Variants in RABGAP1L observed in about 807,000 individuals in gnomAD.
RABGAP1L encodes rab GTPase-activating protein 1-like.
RABGAP1L carries 63 observed loss-of-function variants against 137.7 expected under a neutral mutation model. That is an observed-to-expected ratio of 0.46 (90% CI 0.37 to 0.56). RABGAP1L has a LOEUF of 0.56. Ranked by LOEUF, RABGAP1L falls within the 20% of genes least tolerant of loss-of-function variation. RABGAP1L has a pLI of 0.00. For synonymous variants in RABGAP1L, 431 were observed against 433.7 expected (o/e 0.99, Z 0.08); for missense variants, 1,095 against 1,244.0 (o/e 0.88, Z 1.80).
intron 19 of RABGAP1L, among the ~76,000 whole-genome samples, chr1:174,911,194 A>G (rs1405244194): frequency 6.6e-6 from 1 of 152,118 alleles, no homozygotes; most frequent in Non-Finnish European, 1.5e-5. Context: ...GCAAATCCTT[A>G]TCAGCTATAT....
At position 174,195,667 on chromosome 1, in the gene RABGAP1L, CCTTTCCTTCTTTCCTT is replaced by C. The variant is rs1330311008; in HGVS notation, c.-33-23428_-33-23413del. Among the ~76,000 whole-genome samples the C allele has an allele frequency of 1.2e-3, 110 of 94,176 alleles. No individual in the cohort carries two copies. In the South Asian group the frequency reaches 0.013, roughly 11 times the overall value. 61.8% of individuals were successfully genotyped at this position (94,176 alleles called of 152,430 possible). ...TTCCTTCCTTCCTTTCCTTTCCTTT[CCTTTCCTTCTTTCCTT>C]CTTTCCTTCTTTCCTTCTTTCCTTC... On this transcript the variant is annotated intron_variant, in intron 1 of 25. Coordinates refer to ENST00000681986, the MANE Select transcript of RABGAP1L (RefSeq NM_001366446.1).
At chr1:174,209,749 C>G (rs1212540732) in intron 1 of RABGAP1L, among the ~76,000 whole-genome samples, 1 of 152,168 alleles carries the variant, frequency 6.6e-6, no homozygotes, top group Non-Finnish European at 1.5e-5. Context: ...CCTTGAGCTG[C>G]CATAGGCGGT....
intron 1 of RABGAP1L, among the ~76,000 whole-genome samples, chr1:174,162,448 A>G (rs1357845260): frequency 1.3e-5 from 2 of 152,186 alleles, no homozygotes; most frequent in Non-Finnish European, 2.9e-5. Flanking sequence ...CTAGGCTTCA[A>G]GAGATTGACT....
At position 174,767,879 on chromosome 1, in the gene RABGAP1L, C is replaced by T. The variant is rs770403205; in HGVS notation, c.2211+15525C>T. 2.8e-4 allele frequency among the ~76,000 whole-genome samples: 42 copies of T among 152,134 alleles called. 1 individual carries two copies. Among genetic ancestry groups the T allele is most frequent in the Non-Finnish European group, 5.9e-5 (4 of 68,032 alleles). ...CAATCATGCCTGAAGGTGAAAGGCACATCTCACGCGGCTGTGGCAAGAGAG... is the reference window on the plus strand; with the variant it reads ...CAATCATGCCTGAAGGTGAAAGGCATATCTCACGCGGCTGTGGCAAGAGAG... On this transcript the variant is annotated intron_variant, in intron 18 of 25. Transcript: ENST00000681986.
intron 12 of RABGAP1L, among the ~76,000 whole-genome samples, chr1:174,377,035 T>A (rs1360844709): frequency 6.6e-6 from 1 of 152,168 alleles, no homozygotes; most frequent in Non-Finnish European, 1.5e-5. Flanking sequence ...GATCAATATG[T>A]GCACATCAGT....
chr1:174,687,937 G>A (rs940843120), intron 15 of RABGAP1L, among the ~76,000 whole-genome samples: 6 of 152,068 alleles, frequency 3.9e-5, no homozygotes, highest in African/African-American at 1.4e-4. Flanking sequence ...GCCTCTCCTT[G>A]TACTTGGAAA....
intron 12 of RABGAP1L, among the ~76,000 whole-genome samples, chr1:174,391,895 T>G (rs1687233545): frequency 6.6e-6 from 1 of 152,222 alleles, no homozygotes; most frequent in Non-Finnish European, 1.5e-5. Context: ...TTTTCTATAC[T>G]AATACCCTTA....
intron 19 of RABGAP1L, among the ~76,000 whole-genome samples, chr1:174,816,147 C>CTTTTTTTTTTT (rs67065448): frequency 8.1e-5 from 7 of 86,188 alleles, no homozygotes; most frequent in East Asian, 4.6e-4. Flanking sequence ...TAATACATAG[C>CTTTTTTTTTTT]TTTTTTTTTT....
At chr1:174,567,105 T>C (rs919188155) in intron 13 of RABGAP1L, among the ~76,000 whole-genome samples, 1 of 152,090 alleles carries the variant, frequency 6.6e-6, no homozygotes, top group Non-Finnish European at 1.5e-5. Flanking sequence ...GTATAACCAT[T>C]ACCACTATCT....
intron 19 of RABGAP1L, among the ~76,000 whole-genome samples, chr1:174,849,335 T>G (rs1647796508): frequency 6.6e-6 from 1 of 152,076 alleles, no homozygotes; most frequent in African/African-American, 2.4e-5. Flanking sequence ...CAGTAAAACT[T>G]AAATGAGGGA....
intron 19 of RABGAP1L, among the ~76,000 whole-genome samples, chr1:174,819,320 G>A (rs1690777165): frequency 6.6e-6 from 1 of 151,784 alleles, no homozygotes; most frequent in Non-Finnish European, 1.5e-5. Flanking sequence ...TTGGAGGATG[G>A]GAAAGATGAG....
chr1:174,589,177 T>C (rs559031323), intron 13 of RABGAP1L, among the ~76,000 whole-genome samples: 1 of 152,352 alleles, frequency 6.6e-6, no homozygotes, highest in African/African-American at 2.4e-5. Flanking sequence ...ATTGTAGTTT[T>C]AATTTCCATT....
intron 11 of RABGAP1L, among the ~76,000 whole-genome samples, chr1:174,348,390 C>T (rs1289111149): frequency 6.6e-6 from 1 of 150,830 alleles, no homozygotes; most frequent in Non-Finnish European, 1.5e-5. Flanking sequence ...AAAATCCACA[C>T]TTTACCTTCA....
chr1:174,209,781 G>T (rs1331563101), intron 1 of RABGAP1L, among the ~76,000 whole-genome samples: 1 of 152,164 alleles, frequency 6.6e-6, no homozygotes, highest in East Asian at 1.9e-4. Flanking sequence ...GCTTACAGCA[G>T]GCCTTTGGTG....
intron 1 of RABGAP1L, among the ~76,000 whole-genome samples, chr1:174,216,996 G>A (rs117812562): frequency 2.0e-5 from 3 of 152,122 alleles, no homozygotes; most frequent in Non-Finnish European, 4.4e-5. Flanking sequence ...GGGTTAGGAG[G>A]CTTTTACAGT....
intron 18 of RABGAP1L, among the ~76,000 whole-genome samples, chr1:174,780,154 A>G (rs1431167789): frequency 6.6e-6 from 1 of 152,124 alleles, no homozygotes; most frequent in African/African-American, 2.4e-5. Flanking sequence ...CCTCAGTATT[A>G]CCAGTGTTGG....
At position 174,445,631 on chromosome 1, in the gene RABGAP1L, A is replaced by G. The variant is rs542124396; in HGVS notation, c.1710+51486A>G. On this transcript the variant is annotated intron_variant, in intron 13 of 25. Transcript: ENST00000681986. ...AAGTTCTGTTAATTAAAATGTAACTATATATTTTAGAGAGAAGTTAGTAGT... is the reference window on the plus strand; with the variant it reads ...AAGTTCTGTTAATTAAAATGTAACTGTATATTTTAGAGAGAAGTTAGTAGT... Among the ~76,000 whole-genome samples, 4 of 152,216 alleles carry G rather than the reference A, an allele frequency of 2.6e-5. No individual in the cohort carries two copies. In the South Asian group the frequency reaches 8.3e-4, roughly 32 times the overall value.
intron 23 of RABGAP1L, among the ~76,000 whole-genome samples, chr1:174,981,577 T>C: frequency 8.9e-6 from 1 of 112,570 alleles, no homozygotes; most frequent in Non-Finnish European, 1.9e-5. Flanking sequence ...TTTTTTTTTT[T>C]TTTTGTGAGG....
intron 17 of RABGAP1L, among the ~76,000 whole-genome samples, chr1:174,743,659 A>C (rs1167878556): frequency 6.6e-6 from 1 of 152,066 alleles, no homozygotes; most frequent in Non-Finnish European, 1.5e-5. Context: ...TAAATGAATA[A>C]ATAAATAAAT....
Sources: gnomAD v4.1 joint callset for allele counts (sites outside exome capture counted in the v4.1 genomes callset) on GRCh38, gnomAD v4.1.1 for gene constraint, MANE v1.5 for transcripts, NCBI Gene and HGNC (gene_info 2026-07-23, HGNC 2026-07-21) for gene names.